TENM3: variants seen among roughly 807,000 people sequenced by gnomAD.
TENM3 encodes the protein teneurin-3.
Under a neutral mutation model 255.1 loss-of-function variants are expected in TENM3, and 63 were observed. The ratio of observed to expected loss-of-function variants is 0.25; its 90% CI spans 0.20 to 0.30. The LOEUF is 0.30. Ranked by LOEUF, TENM3 falls within the 10% of genes least tolerant of loss-of-function variation. TENM3 has a pLI of 1.00. For synonymous variants in TENM3, 1,306 were observed against 1,322.3 expected (o/e 0.99, Z 0.27); for missense variants, 2,929 against 3,461.1 (o/e 0.85, Z 3.86).
At chr4:182,723,559 G>A (rs947392194) in intron 13 of TENM3, among the ~76,000 whole-genome samples, 6 of 152,108 alleles carry the variant, frequency 3.9e-5, no homozygotes, top group Non-Finnish European at 7.4e-5. Flanking sequence ...CTCTTTGAAA[G>A]AAGAAAGTGA....
At chr4:182,067,723 G>A in the TENM3 span, among the ~76,000 whole-genome samples, 3 of 152,278 alleles carry the variant, frequency 2.0e-5, no homozygotes, top group Admixed American at 1.3e-4. Context: ...CTTCATATGT[G>A]GAGGGACTCC....
chr4:181,528,344 A>G, the TENM3 span, among the ~76,000 whole-genome samples: 1 of 152,200 alleles, frequency 6.6e-6, no homozygotes, highest in Non-Finnish European at 1.5e-5. Context: ...ATTAAGTATT[A>G]TAAGTTCTAT....
chr4:182,284,758 T>G (rs531630690), intron 1 of TENM3, among the ~76,000 whole-genome samples: 2 of 152,250 alleles, frequency 1.3e-5, no homozygotes, highest in African/African-American at 4.8e-5. Context: ...GTAGAACAGA[T>G]GAGATTGTGA....
At chr4:181,907,188 T>C in the TENM3 span, among the ~76,000 whole-genome samples, 263 of 152,312 alleles carry the variant, frequency 1.7e-3, 1 homozygote, top group African/African-American at 5.2e-3. Flanking sequence ...TGCAGATAGG[T>C]ATTTCTCTGT....
chr4:181,687,267 A>T, the TENM3 span, among the ~76,000 whole-genome samples: 11 of 152,132 alleles, frequency 7.2e-5, no homozygotes, highest in Non-Finnish European at 1.2e-4. Context: ...TTTAGTGGTT[A>T]TTTTGTTCAT....
At chr4:181,520,564 A>C in the TENM3 span, among the ~76,000 whole-genome samples, 6 of 151,886 alleles carry the variant, frequency 4.0e-5, 1 homozygote, top group Non-Finnish European at 7.3e-5. Flanking sequence ...AAAAACCTCT[A>C]GTTTTTGTAA....
At chr4:182,533,538 C>T (rs1030747841) in intron 3 of TENM3, among the ~76,000 whole-genome samples, 69 of 90,008 alleles carry the variant, frequency 7.7e-4, no homozygotes, top group Middle Eastern at 6.2e-3. Context: ...GACCCTATCT[C>T]AAAAAAAAAA....
chr4:181,908,920 A>G, the TENM3 span, among the ~76,000 whole-genome samples: 1 of 152,226 alleles, frequency 6.6e-6, no homozygotes, highest in African/African-American at 2.4e-5. Context: ...AGCGAGGTGT[A>G]GAGGTTTTTA....
chr4:181,764,381 G>GAACA, the TENM3 span, among the ~76,000 whole-genome samples: 3 of 152,098 alleles, frequency 2.0e-5, no homozygotes, highest in Admixed American at 1.3e-4. Context: ...TTATGACACA[G>GAACA]AACACCCCAT....
intron 3 of TENM3, among the ~76,000 whole-genome samples, chr4:182,386,570 C>T (rs181672870): frequency 0.01 from 1,536 of 152,282 alleles, 10 homozygotes; most frequent in Middle Eastern, 0.024. Flanking sequence ...GGGAGAGGCG[C>T]GAGCAGGAAC....
chr4:181,994,493 T>G, the TENM3 span, among the ~76,000 whole-genome samples: 1 of 152,050 alleles, frequency 6.6e-6, no homozygotes, highest in African/African-American at 2.4e-5. Flanking sequence ...TATCAGCTTC[T>G]ATTGTTTTGT....
At chr4:181,729,504 T>G in the TENM3 span, among the ~76,000 whole-genome samples, 1 of 152,168 alleles carries the variant, frequency 6.6e-6, no homozygotes, top group East Asian at 1.9e-4. Flanking sequence ...AGCCAGGTTG[T>G]TTTTATTTGT....
intron 3 of TENM3, among the ~76,000 whole-genome samples, chr4:182,495,002 TG>T (rs1426135263): frequency 2.0e-5 from 3 of 152,164 alleles, no homozygotes; most frequent in Non-Finnish European, 2.9e-5. Context: ...TTGGAGATGT[TG>T]TATGCTCAGC....
chr4:181,951,958 G>A, the TENM3 span, among the ~76,000 whole-genome samples: 1 of 152,066 alleles, frequency 6.6e-6, no homozygotes, highest in Non-Finnish European at 1.5e-5. Context: ...TTGTCTAGTG[G>A]GATATGTTTT....
rs148652031 is a variant in TENM3, at chr4:182,576,927, A to C, written c.512-23997A>C. Among the ~76,000 whole-genome samples the C allele has an allele frequency of 4.5e-3, 684 of 152,318 alleles. 9 individuals carry two copies. The highest frequency in any genetic ancestry group is 0.016 in the African/African-American group (650 of 41,574). On this transcript the variant is annotated intron_variant, in intron 3 of 27. Transcript: ENST00000511685. ...GCCGAAGCGGAACAAGGCAAGGCCC[A>C]TGAAAATCTTTATTCCACCTGTCTT...
chr4:182,705,569 C>A (rs557103257), intron 12 of TENM3, among the ~76,000 whole-genome samples: 20 of 152,312 alleles, frequency 1.3e-4, no homozygotes, highest in South Asian at 2.1e-4. Flanking sequence ...ACTTGACCTT[C>A]CCTTGTGAGC....
At chr4:182,625,936 G>C (rs907529558) in intron 4 of TENM3, among the ~76,000 whole-genome samples, 3 of 152,080 alleles carry the variant, frequency 2.0e-5, no homozygotes, top group Non-Finnish European at 4.4e-5. Context: ...CTTACTTTTT[G>C]GTACTGCTTG....
At chr4:181,788,033 G>C in the TENM3 span, among the ~76,000 whole-genome samples, 8 of 152,202 alleles carry the variant, frequency 5.3e-5, no homozygotes, top group East Asian at 1.4e-3. Flanking sequence ...GCCACTTCGA[G>C]ATCACTTACC....
the TENM3 span, among the ~76,000 whole-genome samples, chr4:181,608,669 A>G: frequency 6.6e-6 from 1 of 151,900 alleles, no homozygotes; most frequent in Non-Finnish European, 1.5e-5. Flanking sequence ...CAGCATACAG[A>G]CCCAGTCTGA....
Sources: allele counts gnomAD v4.1 joint callset (sites outside exome capture counted in the v4.1 genomes callset), GRCh38; gene constraint gnomAD v4.1.1; transcripts MANE v1.5; gene names NCBI Gene and HGNC (gene_info 2026-07-23, HGNC 2026-07-21).